The following TAP2 variants were observed in gnomAD, a reference collection of about 807,000 sequenced individuals.
TAP2 encodes the protein transporter 2, ATP binding cassette subfamily B member.
TAP2 carries 49 observed loss-of-function variants against 74.7 expected under a neutral mutation model. The ratio of observed to expected loss-of-function variants is 0.66; its 90% CI spans 0.52 to 0.83. TAP2 has a LOEUF of 0.83. TAP2 is among the 40% of genes least tolerant of loss of function. The pLI is 0.00. For missense variants in TAP2, 739 were observed against 859.0 expected (o/e 0.86, Z 1.75); for synonymous variants, 306 against 368.4 (o/e 0.83, Z 1.94).
Position 32,837,775 on chromosome 6 carries a change from A to T in TAP2, c.459T>A (p.Val153=), listed in dbSNP as rs1769515962. ...KLSRPDLPLL[V]AAFFFLVLAV... is the part of the protein sequence containing the mutation. Reference sequence around the variant, plus strand: ...CAAGGACAAGGAAGAAGAAGGCGGCAACGAGGAGAGGCAGGTCCGGCCTGG... The same window carrying T: ...CAAGGACAAGGAAGAAGAAGGCGGCTACGAGGAGAGGCAGGTCCGGCCTGG... The change falls in exon 2 of 12, where the codon GTT becomes GTA. Residue 153 remains valine, a synonymous_variant. Coordinates refer to ENST00000374897, the MANE Select transcript of TAP2 (RefSeq NM_001290043.2). The T allele has an allele frequency of 6.2e-7, 1 of 1,614,222 alleles. No homozygotes were observed.
At chr6:32,836,918 G>C (rs1769455450) in intron 3 of TAP2, among the ~76,000 whole-genome samples, 1 of 152,232 alleles carries the variant, frequency 6.6e-6, no homozygotes, top group African/African-American at 2.4e-5. Flanking sequence ...ATTTGGGTAA[G>C]GTGAGTGCAC....
At chr6:32,829,310 C>A in intron 11 of TAP2, 90 bp downstream of exon 11, 1 of 1,536,966 alleles carries the variant, frequency 6.5e-7, no homozygotes. Flanking sequence ...GTAGGTCCTT[C>A]GTCCTCCCTC....
chr6:32,832,452 A>C lies in TAP2; in HGVS notation c.1153T>G (p.Leu385Val). Residue 385 changes from leucine (L) to valine (V), a missense_variant, in exon 7 of 12, where the codon TTG becomes GTG. By Grantham distance (32) the Leu-to-Val change is conservative. Transcript: ENST00000374897. The surrounding 1 kb of genome is among the most constrained non-coding windows in gnomAD (Gnocchi z 5.9). ...CTCAGCATCAGCATCTGCACCCCCAAGTGCAGCACCTGGAAGAGGAGAAGA... is the reference window on the plus strand; with the variant it reads ...CTCAGCATCAGCATCTGCACCCCCACGTGCAGCACCTGGAAGAGGAGAAGA... ...LYLLVRRVLH[L>V]GVQMLMLSCG... The C allele has an allele frequency of 6.2e-7, 1 of 1,612,624 alleles. No homozygotes were observed. The highest frequency in any genetic ancestry group is 8.5e-7 in the Non-Finnish European group (1 of 1,179,854).
chr6:32,826,009 A>G lies in TAP2; in HGVS notation c.*2897T>C. ...TAGTAGTAGTAGTCTAATTCCTAAG[A>G]GTCCATGGAACTCTAGGTTCAAAAC... On this transcript the variant is annotated 3_prime_UTR_variant, in exon 12 of 12. Transcript: ENST00000374897. 4 of 985,442 alleles carry G rather than the reference A, an allele frequency of 4.1e-6. No homozygotes were observed. The highest frequency in any genetic ancestry group is 3.6e-6 in the Non-Finnish European group (3 of 829,922). The allele number at this position is 985,442 out of a possible 1,614,324, so 61.0% of individuals were successfully genotyped here. A position where few individuals can be genotyped will look rare whatever the true frequency, so the allele number is the denominator to read the frequency against.
At chr6:32,822,237 C>T, downstream of TAP2, 1 of 1,384,720 alleles carries the variant, frequency 7.2e-7, no homozygotes. Flanking sequence ...ATGCTTTGTT[C>T]CACATATTCG....
chr6:32,838,251 C>G lies in TAP2; in HGVS notation c.-4-14G>C, dbSNP rs1169649065. The G allele has an allele frequency of 6.5e-7, 1 of 1,541,958 alleles. No individual in the cohort carries two copies. ...AGCCGCATGGCTCTGTCAACGGATA[C>G]GAGATGAGAAATCATGGGGGTGGAG... is the stretch of plus-strand genomic sequence containing the variant. On this transcript the variant is annotated splice_polypyrimidine_tract_variant and intron_variant, in intron 1 of 11. Transcript: ENST00000374897.
rs750445455 is a variant in TAP2, at chr6:32,832,763, A to G, written c.1007T>C (p.Val336Ala). 35 of 1,612,708 alleles carry G rather than the reference A, an allele frequency of 2.2e-5. No individual in the cohort carries two copies. Among genetic ancestry groups the G allele is most frequent in the African/African-American group, 2.7e-5 (2 of 74,824 alleles). Residue 336 changes from valine (V) to alanine (A), a missense_variant, in exon 6 of 12, where the codon GTT (valine) becomes GCT (alanine). Transcript: ENST00000374897. The surrounding 1 kb of genome is among the most constrained non-coding windows in gnomAD (Gnocchi z 5.9). The part of the protein sequence containing the change: ...ARAGQVVREA[V>A]GGLQTVRSFG... ...ACTGCGAACGGTCTGCAGCCCTCCA[A>G]CGGCTTCCCGCACCACCTGCCCCGC... is the stretch of plus-strand genomic sequence containing the variant.
At position 32,828,815 on chromosome 6, in the gene TAP2, G is replaced by A; in HGVS notation, c.*91C>T. ...CAAAGCAGGAACAGCTCTGGGTCCT[G>A]GAGACGCCCCTGAGAAGAGGGCCCA... On this transcript the variant is annotated 3_prime_UTR_variant, in exon 12 of 12. Coordinates refer to ENST00000374897, the MANE Select transcript of TAP2 (RefSeq NM_001290043.2). 1.4e-6 allele frequency: 2 copies of A among 1,480,584 alleles called. No individual in the cohort carries two copies. Among genetic ancestry groups the A allele is most frequent in the Middle Eastern group, 2.3e-4 (1 of 4,258 alleles). 91.7% of individuals were successfully genotyped at this position (1,480,584 alleles called of 1,614,324 possible).
Position 32,830,421 on chromosome 6 carries a change from C to T in TAP2, c.1481G>A (p.Arg494His), listed in dbSNP as rs1455609743. ...CACCAGCGCCGTCACCTCACCAGGA[C>T]GTAGGGTAAACGTCAGCCCCTAGAA... ...PVLKGLTFTLRPGEVTALVGP... is the reference protein window; with the variant it reads ...PVLKGLTFTLHPGEVTALVGP... The change falls in exon 9 of 12, where the codon CGT becomes CAT. Residue 494 changes from arginine (R) to histidine (H), a missense_variant. Coordinates refer to ENST00000374897, the MANE Select transcript of TAP2 (RefSeq NM_001290043.2). 3.7e-6 allele frequency: 6 copies of T among 1,613,046 alleles called. No homozygotes were observed. Among genetic ancestry groups the T allele is most frequent in the South Asian group, 2.2e-5 (2 of 91,084 alleles).
chr6:32,833,618 TA>T (rs35261666), intron 5 of TAP2, among the ~76,000 whole-genome samples: 62,792 of 151,478 alleles, frequency 0.41, 13,267 homozygotes, highest in Admixed American at 0.46. Flanking sequence ...GAATGGCTAT[TA>T]AAAAAAAAGA....
chr6:32,829,636 G>A, intron 10 of TAP2, 100 bp from the exon 11 acceptor site: 13 of 1,571,234 alleles, frequency 8.3e-6, no homozygotes, highest in Non-Finnish European at 1.1e-5. Flanking sequence ...AGGACCTCGG[G>A]AGGTGGGAGG....
Position 32,830,065 on chromosome 6 carries a change from C to T in TAP2, c.1660G>A (p.Val554Met), listed in dbSNP as rs751417872. The T allele has an allele frequency of 3.1e-6, 5 of 1,613,004 alleles. No individual in the cohort carries two copies. The South Asian group carries it at 5.5e-5, about 18-fold the overall frequency. The change falls in exon 10 of 12, where the codon GTG (valine) becomes ATG (methionine). Residue 554 changes from valine to methionine, a missense_variant. Physicochemically the swap from Val to Met is conservative, Grantham distance 21. Coordinates refer to ENST00000374897, the MANE Select transcript of TAP2 (RefSeq NM_001290043.2). The stretch of plus-strand genomic sequence containing the variant: ...TTCCTCACAGAACCGGAGAACAGCA[C>T]AGGCTCCTGCCCAACTGAAACCACC... ...SQVVSVGQEP[V>M]LFSGSVRNNI...
At chr6:32,834,074 A>G (rs1010978445) in intron 5 of TAP2, among the ~76,000 whole-genome samples, 1 of 152,232 alleles carries the variant, frequency 6.6e-6, no homozygotes, top group Non-Finnish European at 1.5e-5. Flanking sequence ...AAAATGGACT[A>G]ATACATGGTT....
chr6:32,828,679 C>CG lies in TAP2; in HGVS notation c.*226_*227insC. The CG allele has an allele frequency of 3.2e-6, 3 of 948,122 alleles. No individual in the cohort carries two copies. The highest frequency in any genetic ancestry group is 3.8e-6 in the Non-Finnish European group (3 of 788,676). The allele number at this position is 948,122 out of a possible 1,614,324, so 58.7% of individuals were successfully genotyped here. A position where few individuals can be genotyped will look rare whatever the true frequency, so the allele number is the denominator to read the frequency against. On this transcript the variant is annotated 3_prime_UTR_variant, in exon 12 of 12. Coordinates refer to ENST00000374897, the MANE Select transcript of TAP2 (RefSeq NM_001290043.2). ...TAAGTTTCCTGGACACAGACAGCCC[C>CG]CACCCCACCCCACCCCACCTCTCTA...
rs117286858 is a variant in TAP2, at chr6:32,830,831, G to A, written c.1273-25C>T. 2.2e-3 allele frequency: 3,545 copies of A among 1,587,244 alleles called. 140 individuals are homozygous for A. The East Asian group carries it at 0.076, about 34-fold the overall frequency. On this transcript the variant is annotated intron_variant, in intron 7 of 11. Transcript: ENST00000374897. ...TCTGGAAAACAGGAATGGGAGAGCC[G>A]GCTAATTAAACACACTTCTACCAGA...
intron 3 of TAP2, among the ~76,000 whole-genome samples, chr6:32,836,387 C>A (rs1562337663): frequency 6.6e-6 from 1 of 152,144 alleles, no homozygotes; most frequent in Non-Finnish European, 1.5e-5. Context: ...ATGTATTTTA[C>A]AAAATATATG....
At chr6:32,824,774 A>G (rs1768526775), downstream of TAP2, among the ~76,000 whole-genome samples, 2 of 151,938 alleles carry the variant, frequency 1.3e-5, no homozygotes, top group Non-Finnish European at 2.9e-5. Flanking sequence ...CAATATCTCT[A>G]CCCTCCTTTC....
At position 32,829,412 on chromosome 6, in the gene TAP2, C is replaced by T. The variant is rs145894663; in HGVS notation, c.1920G>A (p.Gln640=). ...LDEATSALDV[Q]CEQALQDWNS... ...TCACGGTACTCACGGCCTGCTCGCA[C>T]TGCACATCTAGGGCACTAGTAGCCT... is the stretch of plus-strand genomic sequence containing the variant. Residue 640 remains glutamine, a synonymous_variant, in exon 11 of 12, where the codon CAG becomes CAA. Coordinates refer to ENST00000374897, the MANE Select transcript of TAP2 (RefSeq NM_001290043.2). The T allele has an allele frequency of 6.7e-4, 1,077 of 1,604,242 alleles. 1 individual carries two copies. Among genetic ancestry groups the T allele is most frequent in the Admixed American group, 1.8e-3 (108 of 58,492 alleles).
Position 32,832,095 on chromosome 6 carries a change from A to C in TAP2, c.1272+238T>G, listed in dbSNP as rs1451733545. On this transcript the variant is annotated intron_variant, in intron 7 of 11. Transcript: ENST00000374897. The surrounding 1 kb of genome is among the most constrained non-coding windows in gnomAD (Gnocchi z 5.9). ...GGTGGGGGGAAGTGGCTGGGGATACAGATCCAACAAGATTGGGCATGAGTT... is the reference window on the plus strand; with the variant it reads ...GGTGGGGGGAAGTGGCTGGGGATACCGATCCAACAAGATTGGGCATGAGTT... 6.6e-6 allele frequency among the ~76,000 whole-genome samples: 1 copy of C among 152,236 alleles called. No individual in the cohort carries two copies. The highest frequency in any genetic ancestry group is 2.4e-5 in the African/African-American group (1 of 41,458).
Sources: gnomAD v4.1 joint callset for allele counts (sites outside exome capture counted in the v4.1 genomes callset) on GRCh38, gnomAD v4.1.1 for gene constraint, Gnocchi (gnomAD v3.1) non-coding constraint, MANE v1.5 for transcripts, NCBI Gene and HGNC (gene_info 2026-07-23, HGNC 2026-07-21) for gene names.